The following COLEC10 variants were observed in gnomAD, a reference collection of about 807,000 sequenced individuals.
COLEC10 encodes collectin-10.
COLEC10 carries 22 observed loss-of-function variants against 28.4 expected under a neutral mutation model. The ratio of observed to expected loss-of-function variants is 0.78; its 90% CI spans 0.55 to 1.11. COLEC10 has a LOEUF of 1.11. Ranked by LOEUF, COLEC10 falls within the 50% of genes least tolerant of loss-of-function variation. COLEC10 has a pLI of 0.00. For synonymous variants in COLEC10, 125 were observed against 116.1 expected (o/e 1.08, Z -0.49); for missense variants, 361 against 344.1 (o/e 1.05, Z -0.39).
rs773663669 is a variant in COLEC10, at chr8:119,067,353, G to A, written c.72G>A (p.Gln24=). The change falls in exon 1 of 6, where the codon CAG becomes CAA. Residue 24 remains glutamine (Q), a synonymous_variant. Coordinates refer to ENST00000332843, the MANE Select transcript of COLEC10 (RefSeq NM_006438.5). ...ILLVLFLLQI[Q]SLGLDIDSRP... ...TGGTACTATTTCTTTTGCAAATTCA[G>A]AGTCTGGGTCTGGATATTGATAGCC... 2.5e-6 allele frequency: 4 copies of A among 1,613,930 alleles called. No individual in the cohort carries two copies. Among genetic ancestry groups the A allele is most frequent in the Non-Finnish European group, 3.4e-6 (4 of 1,179,982 alleles).
chr8:119,042,667 G>A (rs904538093), intron 2 of COLEC10, among the ~76,000 whole-genome samples: 2 of 152,072 alleles, frequency 1.3e-5, no homozygotes, highest in Admixed American at 1.3e-4. Flanking sequence ...AGATACATTC[G>A]GGTTTGAATT....
the COLEC10 span, among the ~76,000 whole-genome samples, chr8:118,987,988 A>G: frequency 2.0e-5 from 3 of 152,174 alleles, no homozygotes; most frequent in Admixed American, 6.5e-5. Context: ...GTTTGGTTCT[A>G]CCAGAGAACC....
At chr8:118,981,241 C>A in the COLEC10 span, among the ~76,000 whole-genome samples, 5 of 152,026 alleles carry the variant, frequency 3.3e-5, no homozygotes, top group Admixed American at 3.3e-4. Flanking sequence ...TGGTTTAAAA[C>A]AAACAAGAAA....
At chr8:119,105,228 G>A (rs1815913118) in intron 5 of COLEC10, among the ~76,000 whole-genome samples, 1 of 152,148 alleles carries the variant, frequency 6.6e-6, no homozygotes, top group South Asian at 2.1e-4. Flanking sequence ...GTAAGTAGGA[G>A]AGAAATGCAG....
chr8:118,986,810 A>C, the COLEC10 span, among the ~76,000 whole-genome samples: 3 of 152,204 alleles, frequency 2.0e-5, no homozygotes, highest in African/African-American at 7.2e-5. Context: ...ATATTGTATG[A>C]TTCAATGTAC....
chr8:119,082,154 T>C (rs1248771893), intron 1 of COLEC10, among the ~76,000 whole-genome samples: 1 of 152,096 alleles, frequency 6.6e-6, no homozygotes, highest in Non-Finnish European at 1.5e-5. Context: ...ATGACTGTAA[T>C]ATTGAGAGAC....
the COLEC10 span, among the ~76,000 whole-genome samples, chr8:118,962,950 G>A: frequency 6.6e-6 from 1 of 152,168 alleles, no homozygotes; most frequent in African/African-American, 2.4e-5. Context: ...GCCAGGCACT[G>A]GATATGAGTA....
At chr8:119,085,599 CTTTTTTTT>C (rs66829005) in intron 1 of COLEC10, among the ~76,000 whole-genome samples, 4,253 of 63,736 alleles carry the variant, frequency 0.067, 225 homozygotes, top group African/African-American at 0.19. Context: ...TCTTCTTCTT[CTTTTTTTT>C]TTTTTTTTTT....
At chr8:119,000,704 T>C (rs907564518) in intron 1 of COLEC10, among the ~76,000 whole-genome samples, 5 of 152,172 alleles carry the variant, frequency 3.3e-5, no homozygotes, top group Non-Finnish European at 7.3e-5. Flanking sequence ...ATTAATAGTA[T>C]GTAAACTGGA....
chr8:119,091,599 A>AG (rs1563741304), intron 3 of COLEC10, among the ~76,000 whole-genome samples: 82 of 96,806 alleles, frequency 8.5e-4, no homozygotes, highest in African/African-American at 4.7e-3. Context: ...GAGAGAGAGA[A>AG]AGAAAGAAAG....
chr8:119,075,025 T>C (rs1815200500), intron 1 of COLEC10, among the ~76,000 whole-genome samples: 1 of 152,140 alleles, frequency 6.6e-6, no homozygotes, highest in Admixed American at 6.5e-5. Flanking sequence ...GAGCAAACCA[T>C]GGGAGAGCAA....
chr8:118,974,659 G>T, the COLEC10 span, among the ~76,000 whole-genome samples: 7,778 of 152,008 alleles, frequency 0.051, 309 homozygotes, highest in East Asian at 0.17. Context: ...TAATAAAGTG[G>T]CATTTCTCCT....
chr8:119,053,685 G>A (rs927670135), intron 2 of COLEC10, among the ~76,000 whole-genome samples: 2 of 91,580 alleles, frequency 2.2e-5, no homozygotes, highest in African/African-American at 1.4e-4. Flanking sequence ...AAAAAAAAAG[G>A]TGGGGGGGGC....
intron 1 of COLEC10, among the ~76,000 whole-genome samples, chr8:119,071,595 T>G (rs1450771462): frequency 2.0e-5 from 3 of 152,144 alleles, no homozygotes; most frequent in Non-Finnish European, 4.4e-5. Flanking sequence ...CCCTGTACTC[T>G]TTGTCATAGT....
At chr8:119,014,954 C>T (rs1399900616) in intron 2 of COLEC10, among the ~76,000 whole-genome samples, 2 of 151,028 alleles carry the variant, frequency 1.3e-5, no homozygotes, top group Non-Finnish European at 2.9e-5. Flanking sequence ...ACTTACGTTG[C>T]ACAACTCTTC....
At chr8:119,100,205 G>A (rs1024619620) in intron 3 of COLEC10, among the ~76,000 whole-genome samples, 2 of 152,092 alleles carry the variant, frequency 1.3e-5, no homozygotes, top group Admixed American at 6.6e-5. Flanking sequence ...ACCATGAAAG[G>A]GGGGTTAGAA....
intron 2 of COLEC10, among the ~76,000 whole-genome samples, chr8:119,043,160 GA>G (rs762128008): frequency 2.6e-4 from 40 of 152,190 alleles, no homozygotes; most frequent in Non-Finnish European, 4.6e-4. Context: ...TATTAAACTA[GA>G]TAAGGATCTA....
chr8:118,961,488 C>T, the COLEC10 span, among the ~76,000 whole-genome samples: 19 of 152,092 alleles, frequency 1.2e-4, no homozygotes, highest in East Asian at 1.9e-4. Context: ...CTGATTCAGG[C>T]GCTGGCCTTC....
intron 2 of COLEC10, among the ~76,000 whole-genome samples, chr8:119,058,754 G>T (rs529525933): frequency 6.6e-6 from 1 of 152,144 alleles, no homozygotes; most frequent in East Asian, 1.9e-4. Context: ...GTGGACACAT[G>T]TCTTGATTTC....
Sources: gnomAD v4.1 joint callset for allele counts (sites outside exome capture counted in the v4.1 genomes callset) on GRCh38, gnomAD v4.1.1 for gene constraint, MANE v1.5 for transcripts, NCBI Gene and HGNC (gene_info 2026-07-23, HGNC 2026-07-21) for gene names.